The following LSS variants were observed in gnomAD, a reference collection of about 807,000 sequenced individuals.
LSS encodes 2,3-epoxysqualene-lanosterol cyclase.
Under a neutral mutation model 110.3 loss-of-function variants are expected in LSS, and 90 were observed. The observed-to-expected ratio is 0.82, with a 90% CI of 0.69 to 0.97. The LOEUF (loss-of-function observed/expected upper bound fraction) is 0.97. LSS is among the 50% of genes least tolerant of loss of function. LSS has a pLI of 0.00. For synonymous variants in LSS, 433 were observed against 400.0 expected (o/e 1.08, Z -0.98); for missense variants, 927 against 990.0 (o/e 0.94, Z 0.85).
chr21:46,194,949 C>T (rs1361980557), intron 19 of LSS, among the ~76,000 whole-genome samples: 1 of 152,268 alleles, frequency 6.6e-6, no homozygotes, highest in Non-Finnish European at 1.5e-5. Flanking sequence ...TGCTTGGGAG[C>T]AGCGTCTCAC....
At position 46,208,257 on chromosome 21, in the gene LSS, C is replaced by T. The variant is rs2080079823; in HGVS notation, c.1311G>A (p.Met437Ile). 2 of 1,552,218 alleles carry T rather than the reference C, an allele frequency of 1.3e-6. No individual in the cohort carries two copies. The highest frequency in any genetic ancestry group is 1.7e-6 in the Non-Finnish European group (2 of 1,147,382). ...PPDYQKYYRQ[M>I]RKGGFSFSTL... Reference sequence around the variant, plus strand: ...GGGGCTGGCTCCCGCATACCTTGCGCATCTGGCGGTAGTACTTCTGGTAGT... The same window carrying T: ...GGGGCTGGCTCCCGCATACCTTGCGTATCTGGCGGTAGTACTTCTGGTAGT... Residue 437 changes from methionine (M) to isoleucine (I), a missense_variant, in exon 14 of 22, where the codon ATG becomes ATA. Coordinates refer to ENST00000397728, the MANE Select transcript of LSS (RefSeq NM_002340.6).
At position 46,191,054 on chromosome 21, in the gene LSS, C is replaced by T. The variant is rs1392332924; in HGVS notation, c.*50G>A. The T allele has an allele frequency of 6.2e-7, 1 of 1,610,154 alleles. No individual in the cohort carries two copies. The highest frequency in any genetic ancestry group is 8.5e-7 in the Non-Finnish European group (1 of 1,177,746). ...AGGGCTCCCCAACCCGGCCAGGACC[C>T]CTTGGCCTCACTGGAACGCACAGAC... On this transcript the variant is annotated 3_prime_UTR_variant, in exon 22 of 22. Coordinates refer to ENST00000397728, the MANE Select transcript of LSS (RefSeq NM_002340.6).
chr21:46,215,122 T>A (rs2080182577), intron 9 of LSS, 58 bp downstream of exon 9: 4 of 1,447,478 alleles, frequency 2.8e-6, no homozygotes, highest in Middle Eastern at 4.8e-4. Flanking sequence ...CTCTAGGACT[T>A]CACTTTCGGA....
intron 11 of LSS, among the ~76,000 whole-genome samples, chr21:46,211,028 A>G (rs2080123158): frequency 6.6e-6 from 1 of 152,190 alleles, no homozygotes; most frequent in Admixed American, 6.5e-5. Flanking sequence ...CTAGGACTGG[A>G]CGATCCCTTA....
chr21:46,213,190 C>T, intron 10 of LSS, 138 bp from the exon 11 acceptor site: 1 of 788,846 alleles, frequency 1.3e-6, no homozygotes, highest in South Asian at 1.4e-5. Context: ...GGATGCCACC[C>T]CAGCTGGGCT....
At chr21:46,191,426 A>G (rs780344853) in intron 21 of LSS, among the ~76,000 whole-genome samples, 191 bp from the exon 22 acceptor site, 2 of 151,924 alleles carry the variant, frequency 1.3e-5, no homozygotes, top group Non-Finnish European at 2.9e-5. Context: ...CCCAGCTCAG[A>G]CTCCCCGCCC....
At chr21:46,222,096 A>G in intron 4 of LSS, 121 bp from the exon 5 acceptor site, 2 of 1,111,474 alleles carry the variant, frequency 1.8e-6, no homozygotes, top group Non-Finnish European at 2.6e-6. Context: ...AACCTGACAT[A>G]ACATGCCAAC....
At chr21:46,213,954 G>T in intron 9 of LSS, 119 bp from the exon 10 acceptor site, 2 of 709,080 alleles carry the variant, frequency 2.8e-6, no homozygotes, top group Non-Finnish European at 5.0e-6. Context: ...GATCACTCAG[G>T]GCCAGGACAG....
rs148461388 is a variant in LSS, at chr21:46,191,488, C to T, written c.2068-253G>A. Among the ~76,000 whole-genome samples the T allele has an allele frequency of 1.2e-3, 186 of 152,326 alleles. 1 individual carries two copies. Among genetic ancestry groups the T allele is most frequent in the Middle Eastern group, 0.01 (3 of 294 alleles). ...CAGCCCCTCACAACCACATCAGCTT[C>T]CACCAACTCAGCCTCATCCCAGGGG... On this transcript the variant is annotated intron_variant, in intron 21 of 21. Transcript: ENST00000397728.
chr21:46,202,836 T>C (rs1293894396), intron 17 of LSS, among the ~76,000 whole-genome samples: 3 of 152,092 alleles, frequency 2.0e-5, no homozygotes, highest in African/African-American at 7.2e-5. Flanking sequence ...ATGATTTTGC[T>C]ACTGCACTCC....
intron 20 of LSS, chr21:46,192,782 ACATGTGTG>A (rs2079841763): frequency 2.3e-6 from 1 of 443,274 alleles, no homozygotes; most frequent in African/African-American, 2.1e-5. Context: ...GTGCATGTGT[ACATGTGTG>A]CATAGACCTG....
intron 17 of LSS, among the ~76,000 whole-genome samples, chr21:46,198,759 C>T (rs2079942202): frequency 8.8e-6 from 1 of 113,088 alleles, no homozygotes; most frequent in African/African-American, 3.4e-5. Context: ...TACAAAGAAA[C>T]AAAGGCAACA....
chr21:46,197,523 G>C (rs750077829), intron 17 of LSS, among the ~76,000 whole-genome samples: 27 of 152,172 alleles, frequency 1.8e-4, no homozygotes, highest in Non-Finnish European at 4.4e-5. Context: ...TAGGAACCCA[G>C]AGAAATAAGA....
chr21:46,212,295 A>T (rs567750523), intron 11 of LSS, among the ~76,000 whole-genome samples: 56 of 152,302 alleles, frequency 3.7e-4, no homozygotes, highest in African/African-American at 1.3e-3. Flanking sequence ...CAAATGTGAC[A>T]CCCAGGACAC....
rs1244429910 is a variant in LSS, at chr21:46,193,538, G to T, written c.1988+953C>A. 2.7e-5 allele frequency: 12 copies of T among 438,094 alleles called. No homozygotes were observed. The Middle Eastern group carries it at 5.6e-3, about 206-fold the overall frequency. The allele number at this position is 438,094 out of a possible 1,614,324, so 27.1% of individuals were successfully genotyped here. A position where few individuals can be genotyped will look rare whatever the true frequency, so the allele number is the denominator to read the frequency against. ...TGTGCATCTGTCTCCATGTACCTAC[G>T]TCTGTGTGTGGCACAGATGGGATCC... On this transcript the variant is annotated intron_variant, in intron 20 of 21. Coordinates refer to ENST00000397728, the MANE Select transcript of LSS (RefSeq NM_002340.6).
At chr21:46,227,256 T>C in intron 3 of LSS, 1 of 342,132 alleles carries the variant, frequency 2.9e-6, no homozygotes. Flanking sequence ...GGAATGTCCA[T>C]CCCATCCTGT....
At chr21:46,220,619 A>G (rs1569035352) in intron 5 of LSS, 1 of 159,966 alleles carries the variant, frequency 6.3e-6, no homozygotes, top group Admixed American at 6.5e-5. Flanking sequence ...TGAAACACAG[A>G]GGACAAGACC....
intron 16 of LSS, 22 bp downstream of exon 16, chr21:46,206,650 G>T: frequency 6.3e-7 from 1 of 1,598,252 alleles, no homozygotes. Context: ...TTTGCGCGCC[G>T]CAGTGCTGGC....
chr21:46,197,159 T>C (rs2079920479), intron 17 of LSS, among the ~76,000 whole-genome samples: 1 of 152,180 alleles, frequency 6.6e-6, no homozygotes, highest in Non-Finnish European at 1.5e-5. Context: ...CGGCAACAGG[T>C]AACAAATACA....
Sources: gnomAD v4.1 joint callset for allele counts (sites outside exome capture counted in the v4.1 genomes callset) on GRCh38, gnomAD v4.1.1 for gene constraint, MANE v1.5 for transcripts, NCBI Gene and HGNC (gene_info 2026-07-23, HGNC 2026-07-21) for gene names.